The following ONECUT1 variants were observed in gnomAD, a reference collection of about 807,000 sequenced individuals.
ONECUT1 encodes the protein one cut homeobox 1.
Under a neutral mutation model 25.6 loss-of-function variants are expected in ONECUT1, and 12 were observed. The observed-to-expected ratio is 0.47, with a 90% CI of 0.30 to 0.76. ONECUT1 has a LOEUF of 0.76. Ranked by LOEUF, ONECUT1 falls within the 30% of genes least tolerant of loss-of-function variation. ONECUT1 has a pLI of 0.07. For missense variants in ONECUT1, 620 were observed against 651.2 expected (o/e 0.95, Z 0.52); for synonymous variants, 285 against 270.2 (o/e 1.05, Z -0.54).
rs776607333 is a variant in ONECUT1, at chr15:52,757,683, A to T, written c.1270T>A (p.Leu424Met). 1 of 1,613,756 alleles carries T rather than the reference A, an allele frequency of 6.2e-7. No homozygotes were observed. Among genetic ancestry groups the T allele is most frequent in the Non-Finnish European group, 8.5e-7 (1 of 1,179,926 alleles). ...AAGTTGCTGACAGTGCTCAGCTCCA[A>T]CCCCAGCTGCTGGGAAATGGTGATT... is the stretch of plus-strand genomic sequence containing the variant. ...LQITISQQLG[L>M]ELSTVSNFFM... The change falls in exon 2 of 2, where the codon TTG becomes ATG. Residue 424 changes from leucine to methionine, a missense_variant. Around this residue, in one of 4 missense-constraint regions of ONECUT1, gnomAD observed 146 missense variants for 201.8 expected, o/e 0.72. Transcript: ENST00000305901.
intron 1 of ONECUT1, among the ~76,000 whole-genome samples, chr15:52,775,452 A>AACACAC (rs139797470): frequency 0.1 from 14,283 of 140,850 alleles, 732 homozygotes; most frequent in Non-Finnish European, 0.11. Flanking sequence ...TTTAAAGAGG[A>AACACAC]ACACACACAC....
rs2083862593 is a variant in ONECUT1, at chr15:52,784,704, G to A, written c.1105+4076C>T. On this transcript the variant is annotated intron_variant, in intron 1 of 1. Coordinates refer to ENST00000305901, the MANE Select transcript of ONECUT1 (RefSeq NM_004498.4). The surrounding 1 kb of genome is among the most constrained non-coding windows in gnomAD (Gnocchi z 5.0). The stretch of plus-strand genomic sequence containing the variant: ...AGACAGGCACCACGCAGAGCCTTCT[G>A]GTGACTGTCCGCAGGAGCGAGACCT... Among the ~76,000 whole-genome samples, 1 of 152,242 alleles carries A rather than the reference G, an allele frequency of 6.6e-6. No individual in the cohort carries two copies. Among genetic ancestry groups the A allele is most frequent in the Admixed American group, 6.5e-5 (1 of 15,290 alleles).
intron 1 of ONECUT1, among the ~76,000 whole-genome samples, chr15:52,775,194 A>AG (rs1181986791): frequency 6.6e-6 from 1 of 151,596 alleles, no homozygotes; most frequent in Non-Finnish European, 1.5e-5. Context: ...TCTAAAAAAA[A>AG]AAAAAAAGAG....
intron 1 of ONECUT1, among the ~76,000 whole-genome samples, chr15:52,764,201 A>G (rs56772467): frequency 6.6e-6 from 1 of 152,218 alleles, no homozygotes; most frequent in Admixed American, 6.5e-5. Flanking sequence ...CCTGGGAGGC[A>G]TTAATAAAGC....
In ONECUT1 at chr15:52,769,871, T is replaced by C. The variant is rs149663666; in HGVS notation, c.1106-12024A>G. Among the ~76,000 whole-genome samples the C allele has an allele frequency of 5.5e-3, 841 of 152,306 alleles. 3 individuals are homozygous for C. Among genetic ancestry groups the C allele is most frequent in the Middle Eastern group, 0.02 (6 of 294 alleles). On this transcript the variant is annotated intron_variant, in intron 1 of 1. Transcript: ENST00000305901. ...CCTTAGAGAGGAGATAAGGATCAGA[T>C]TTATGGATAATGTCAGCAAATATCC... is the stretch of plus-strand genomic sequence containing the variant.
At chr15:52,767,342 AC>A (rs2083740593) in intron 1 of ONECUT1, among the ~76,000 whole-genome samples, 1 of 152,176 alleles carries the variant, frequency 6.6e-6, no homozygotes, top group Non-Finnish European at 1.5e-5. Flanking sequence ...TCTTCTCTCC[AC>A]AAGGTTTGTC....
rs568579788 is a variant in ONECUT1, at chr15:52,762,548, G to A, written c.1106-4701C>T. Among the ~76,000 whole-genome samples, 30 of 152,290 alleles carry A rather than the reference G, an allele frequency of 2.0e-4. No individual in the cohort carries two copies. In the East Asian group the frequency reaches 5.8e-3, roughly 29 times the overall value. ...TAGACGTTACAATACCAGAACCTGG[G>A]GAAGTGAGATTCTCTTGGAGCAGGG... On this transcript the variant is annotated intron_variant, in intron 1 of 1. Coordinates refer to ENST00000305901, the MANE Select transcript of ONECUT1 (RefSeq NM_004498.4).
chr15:52,782,416 A>G (rs1343871586), intron 1 of ONECUT1, among the ~76,000 whole-genome samples: 1 of 152,208 alleles, frequency 6.6e-6, no homozygotes, highest in Non-Finnish European at 1.5e-5. Context: ...ATAAGAACCT[A>G]TACAAACCTA....
chr15:52,771,918 C>T (rs369753397), intron 1 of ONECUT1, among the ~76,000 whole-genome samples: 5 of 152,166 alleles, frequency 3.3e-5, no homozygotes, highest in Admixed American at 2.6e-4. Context: ...TAAGAGTGGC[C>T]TGGGAATCTG....
At position 52,755,405 on chromosome 15, in the gene ONECUT1, A is replaced by C. The variant is rs540600886; in HGVS notation, c.*2150T>G. 2.6e-5 allele frequency among the ~76,000 whole-genome samples: 4 copies of C among 152,330 alleles called. No homozygotes were observed. The highest frequency in any genetic ancestry group is 9.6e-5 in the African/African-American group (4 of 41,572). On this transcript the variant is annotated 3_prime_UTR_variant, in exon 2 of 2. Transcript: ENST00000305901. ...GAACTATAATTGTGCCATATTTAGA[A>C]GGGAAATTTTTAAGCTGGAGTTGTG...
rs534279806 is a variant in ONECUT1, at chr15:52,757,240, G to A, written c.*315C>T. 2 of 299,052 alleles carry A rather than the reference G, an allele frequency of 6.7e-6. No individual in the cohort carries two copies. Among genetic ancestry groups the A allele is most frequent in the South Asian group, 5.5e-5 (1 of 18,310 alleles). The allele number at this position is 299,052 out of a possible 1,614,324, so 18.5% of individuals were successfully genotyped here. ...GATCTTAAAAGATGTCCGCTCAATG[G>A]CTCAAAATCACTATGCTCCAAACCA... is the stretch of plus-strand genomic sequence containing the variant. On this transcript the variant is annotated 3_prime_UTR_variant, in exon 2 of 2. Coordinates refer to ENST00000305901, the MANE Select transcript of ONECUT1 (RefSeq NM_004498.4).
rs1596059171 is a variant in ONECUT1, at chr15:52,788,681, A to T, written c.1105+99T>A. 2.3e-6 allele frequency: 3 copies of T among 1,323,004 alleles called. No individual in the cohort carries two copies. Among genetic ancestry groups the T allele is most frequent in the Non-Finnish European group, 2.1e-6 (2 of 968,748 alleles). 82.0% of individuals were successfully genotyped at this position (1,323,004 alleles called of 1,614,324 possible). A position where few individuals can be genotyped will look rare whatever the true frequency, so the allele number is the denominator to read the frequency against. On this transcript the variant is annotated intron_variant, in intron 1 of 1. Transcript: ENST00000305901. This position sits in a 1 kb window ranked among gnomAD's most constrained non-coding sequence, Gnocchi z 4.3. ...CCTTCTAGGGGTAGGGGCGGGCGGG[A>T]TGAAGCGCACCCAGCCCTCTCTCCT...
At position 52,757,231 on chromosome 15, in the gene ONECUT1, C is replaced by T. The variant is rs1023783259; in HGVS notation, c.*324G>A. Reference sequence around the variant, plus strand: ...AGAAAGTTCGATCTTAAAAGATGTCCGCTCAATGGCTCAAAATCACTATGC... The same window carrying T: ...AGAAAGTTCGATCTTAAAAGATGTCTGCTCAATGGCTCAAAATCACTATGC... On this transcript the variant is annotated 3_prime_UTR_variant, in exon 2 of 2. Transcript: ENST00000305901. 1.4e-5 allele frequency: 4 copies of T among 278,492 alleles called. No homozygotes were observed. Among genetic ancestry groups the T allele is most frequent in the Non-Finnish European group, 2.0e-5 (3 of 148,134 alleles). The allele number at this position is 278,492 out of a possible 1,614,324, so 17.3% of individuals were successfully genotyped here. A position where few individuals can be genotyped will look rare whatever the true frequency, so the allele number is the denominator to read the frequency against.
intron 1 of ONECUT1, among the ~76,000 whole-genome samples, chr15:52,772,650 T>C (rs1216646632): frequency 2.0e-5 from 3 of 152,196 alleles, no homozygotes; most frequent in African/African-American, 7.2e-5. Context: ...GGCAAGTAAG[T>C]GTATCTCATG....
At chr15:52,767,980 T>G (rs1468148402) in intron 1 of ONECUT1, among the ~76,000 whole-genome samples, 1 of 152,102 alleles carries the variant, frequency 6.6e-6, no homozygotes, top group Non-Finnish European at 1.5e-5. Context: ...GCGTAGGATC[T>G]AAAAAAATTG....
At chr15:52,763,409 G>T (rs1596046407) in intron 1 of ONECUT1, among the ~76,000 whole-genome samples, 1 of 152,214 alleles carries the variant, frequency 6.6e-6, no homozygotes, top group East Asian at 1.9e-4. Flanking sequence ...ATGAGGGTGT[G>T]GGCAAAGGAC....
At chr15:52,759,471 C>T (rs905811698) in intron 1 of ONECUT1, among the ~76,000 whole-genome samples, 1 of 152,198 alleles carries the variant, frequency 6.6e-6, no homozygotes, top group African/African-American at 2.4e-5. Flanking sequence ...CAGAAGGCTC[C>T]AATTTTTTAA....
In ONECUT1 at chr15:52,774,623, T is replaced by C. The variant is rs544765218; in HGVS notation, c.1105+14157A>G. 1.2e-4 allele frequency among the ~76,000 whole-genome samples: 18 copies of C among 152,058 alleles called. 1 individual carries two copies. The highest frequency in any genetic ancestry group is 7.2e-4 in the Admixed American group (11 of 15,256). On this transcript the variant is annotated intron_variant, in intron 1 of 1. Coordinates refer to ENST00000305901, the MANE Select transcript of ONECUT1 (RefSeq NM_004498.4). Reference sequence around the variant, plus strand: ...CCAGAAGTTACCTTTTAAAAAAGCATTGAAATTAAAACATAAATTAAGAAA... The same window carrying C: ...CCAGAAGTTACCTTTTAAAAAAGCACTGAAATTAAAACATAAATTAAGAAA...
At chr15:52,771,434 CAA>C (rs2083766482) in intron 1 of ONECUT1, among the ~76,000 whole-genome samples, 2 of 114,268 alleles carry the variant, frequency 1.8e-5, no homozygotes, top group Non-Finnish European at 3.4e-5. Context: ...GCATAAAAAG[CAA>C]GTGTGTGTGT....
Sources: gnomAD v4.1 joint callset for allele counts (sites outside exome capture counted in the v4.1 genomes callset) on GRCh38, gnomAD v4.1.1 for gene constraint, gnomAD v4.1.1 regional missense constraint, Gnocchi (gnomAD v3.1) non-coding constraint, MANE v1.5 for transcripts, NCBI Gene and HGNC (gene_info 2026-07-23, HGNC 2026-07-21) for gene names.